PRKCE: variants seen among roughly 807,000 people sequenced by gnomAD.
PRKCE encodes protein kinase C epsilon type.
In PRKCE, 16 loss-of-function variants were observed where a neutral mutation model predicts 85.4. The ratio of observed to expected loss-of-function variants is 0.19; its 90% CI spans 0.13 to 0.28. The LOEUF (loss-of-function observed/expected upper bound fraction) is 0.28, where lower values mean the gene tolerates loss of function less well. Among genes scored for constraint, PRKCE ranks in the 10% least tolerant of loss-of-function variants. PRKCE has a pLI of 1.00. For synonymous variants in PRKCE, 388 were observed against 371.5 expected (o/e 1.04, Z -0.51); for missense variants, 573 against 975.2 (o/e 0.59, Z 5.49).
chr2:45,720,168 AC>A (rs879929155), intron 1 of PRKCE, among the ~76,000 whole-genome samples: 5 of 152,128 alleles, frequency 3.3e-5, no homozygotes, highest in Admixed American at 3.3e-4. Flanking sequence ...GGTAAGAGGA[AC>A]TGTAGCAAGG....
At chr2:45,988,175 C>G (rs1484976862) in intron 6 of PRKCE, among the ~76,000 whole-genome samples, 1 of 152,226 alleles carries the variant, frequency 6.6e-6, no homozygotes, top group East Asian at 1.9e-4. Context: ...TCCCCTGGTC[C>G]TGGCTGGAGA....
intron 2 of PRKCE, among the ~76,000 whole-genome samples, chr2:45,864,685 C>T (rs1475029541): frequency 6.6e-6 from 1 of 152,142 alleles, no homozygotes; most frequent in East Asian, 1.9e-4. Context: ...TTCTTTAATT[C>T]CTCCCCAACC....
intron 10 of PRKCE, among the ~76,000 whole-genome samples, chr2:46,019,425 G>A (rs1706450486): frequency 6.6e-6 from 1 of 152,134 alleles, no homozygotes; most frequent in Non-Finnish European, 1.5e-5. Context: ...ACCAGGAGAG[G>A]TTCCACCCAC....
intron 11 of PRKCE, among the ~76,000 whole-genome samples, chr2:46,136,547 C>T (rs1371011516): frequency 1.3e-5 from 2 of 152,142 alleles, no homozygotes; most frequent in East Asian, 3.8e-4. Context: ...GTTTACTCAC[C>T]CCCACCCCAC....
At chr2:45,789,633 G>A (rs2105078339) in intron 1 of PRKCE, among the ~76,000 whole-genome samples, 1 of 152,222 alleles carries the variant, frequency 6.6e-6, no homozygotes, top group South Asian at 2.1e-4. Context: ...TGTCTCTCTG[G>A]TTGGGGGAAA....
intron 1 of PRKCE, among the ~76,000 whole-genome samples, chr2:45,682,867 C>G (rs1272162510): frequency 6.6e-6 from 1 of 152,120 alleles, no homozygotes; most frequent in African/African-American, 2.4e-5. Context: ...GCCGCCACGC[C>G]CAGCCAAGAT....
chr2:45,992,154 A>T (rs1438818098), intron 6 of PRKCE, among the ~76,000 whole-genome samples: 3 of 152,194 alleles, frequency 2.0e-5, no homozygotes, highest in Non-Finnish European at 4.4e-5. Context: ...GAGGGCCTGG[A>T]AAGGGGTGTA....
At chr2:45,839,371 C>T (rs924689691) in intron 1 of PRKCE, among the ~76,000 whole-genome samples, 11 of 147,358 alleles carry the variant, frequency 7.5e-5, no homozygotes, top group Non-Finnish European at 1.7e-4. Context: ...GGAGGGGTAG[C>T]CAAGGCACCG....
At chr2:45,709,698 C>T (rs946610761) in intron 1 of PRKCE, among the ~76,000 whole-genome samples, 1 of 152,196 alleles carries the variant, frequency 6.6e-6, no homozygotes, top group African/African-American at 2.4e-5. Flanking sequence ...CTCTTTCAAA[C>T]TCTTTTGAAT....
intron 1 of PRKCE, among the ~76,000 whole-genome samples, chr2:45,793,284 A>G (rs964951704): frequency 1.8e-4 from 28 of 152,266 alleles, no homozygotes; most frequent in African/African-American, 4.8e-4. Flanking sequence ...CAATTTCTCC[A>G]TCTGTTTCCT....
chr2:45,830,562 A>G (rs1259717274), intron 1 of PRKCE, among the ~76,000 whole-genome samples: 1 of 152,230 alleles, frequency 6.6e-6, no homozygotes, highest in Admixed American at 6.5e-5. Flanking sequence ...TCAGAAAGAA[A>G]ATGAAGAAGA....
At chr2:45,860,441 T>C (rs186896816) in intron 2 of PRKCE, among the ~76,000 whole-genome samples, 8 of 152,310 alleles carry the variant, frequency 5.3e-5, no homozygotes, top group African/African-American at 1.9e-4. Flanking sequence ...TGGGGCCCCC[T>C]GATGGGCTGG....
At chr2:45,917,965 C>T (rs905972376) in intron 2 of PRKCE, among the ~76,000 whole-genome samples, 7 of 152,154 alleles carry the variant, frequency 4.6e-5, no homozygotes, top group African/African-American at 1.4e-4. Flanking sequence ...CCGGCTGCTC[C>T]GAGTGCGGGG....
At chr2:45,870,303 A>T (rs996601019) in intron 2 of PRKCE, among the ~76,000 whole-genome samples, 2 of 152,202 alleles carry the variant, frequency 1.3e-5, no homozygotes, top group Non-Finnish European at 2.9e-5. Flanking sequence ...AGGGGATCCT[A>T]GGAAAGGGGT....
At chr2:45,730,080 G>A (rs1681432395) in intron 1 of PRKCE, among the ~76,000 whole-genome samples, 1 of 152,200 alleles carries the variant, frequency 6.6e-6, no homozygotes, top group Non-Finnish European at 1.5e-5. Flanking sequence ...CCACACATTA[G>A]CAGGGCAGCA....
chr2:46,099,570 G>C (rs773701356), intron 11 of PRKCE, among the ~76,000 whole-genome samples: 3 of 151,116 alleles, frequency 2.0e-5, no homozygotes, highest in Admixed American at 6.6e-5. Flanking sequence ...CTGGCTGTTA[G>C]TTATTTCTTC....
chr2:45,983,701 C>G (rs1703077895), intron 5 of PRKCE, among the ~76,000 whole-genome samples: 1 of 152,132 alleles, frequency 6.6e-6, no homozygotes, highest in African/African-American at 2.4e-5. Context: ...TGAGGTTTAA[C>G]TGAGATAATG....
At position 46,187,295 on chromosome 2, in the gene PRKCE, C is replaced by G. The variant is rs3738893; in HGVS notation, c.*2414C>G. 3 of 152,340 alleles carry G rather than the reference C, an allele frequency of 2.0e-5. No homozygotes were observed. 9.4% of individuals were successfully genotyped at this position (152,340 alleles called of 1,614,324 possible). A position where few individuals can be genotyped will look rare whatever the true frequency, so the allele number is the denominator to read the frequency against. ...AAGTCAAATAATACATTCCACCTGG[C>G]AGCTGAAGGCAGCCAGTCAGTCTGT... On this transcript the variant is annotated 3_prime_UTR_variant, in exon 15 of 15. Transcript: ENST00000306156.
At position 46,163,830 on chromosome 2, in the gene PRKCE, G is replaced by A. The variant is rs1449603408; in HGVS notation, c.2067+4078G>A. Among the ~76,000 whole-genome samples the A allele has an allele frequency of 2.5e-3, 229 of 89,924 alleles. 1 individual carries two copies. Among genetic ancestry groups the A allele is most frequent in the African/African-American group, 5.5e-3 (125 of 22,658 alleles). 59.0% of individuals were successfully genotyped at this position (89,924 alleles called of 152,430 possible). ...ATGGGGAAGCTGAGGCACACCCCAC[G>A]GAGGCCACTGAGAGACACAGGGAAG... On this transcript the variant is annotated intron_variant, in intron 14 of 14. Coordinates refer to ENST00000306156, the MANE Select transcript of PRKCE (RefSeq NM_005400.3).
Sources: gnomAD v4.1 joint callset for allele counts (sites outside exome capture counted in the v4.1 genomes callset) on GRCh38, gnomAD v4.1.1 for gene constraint, MANE v1.5 for transcripts, NCBI Gene and HGNC (gene_info 2026-07-23, HGNC 2026-07-21) for gene names.